The following NTM variants were observed in gnomAD, a reference collection of about 807,000 sequenced individuals.
The protein encoded by NTM is IgLON family member 2.
NTM carries 13 observed loss-of-function variants against 42.1 expected under a neutral mutation model. That is an observed-to-expected ratio of 0.31 (90% CI 0.20 to 0.49). The LOEUF is 0.49. Ranked by LOEUF, NTM falls within the 20% of genes least tolerant of loss-of-function variation. The pLI is 0.99. For synonymous variants in NTM, 187 were observed against 179.2 expected, an observed-to-expected ratio of 1.04 and a Z score of -0.35; for missense variants, 373 against 452.8, an observed-to-expected ratio of 0.82 and a Z score of 1.60.
At chr11:132,156,794 G>A (rs2073284609) in intron 3 of NTM, among the ~76,000 whole-genome samples, 1 of 152,170 alleles carries the variant, frequency 6.6e-6, no homozygotes, top group Admixed American at 6.5e-5. Flanking sequence ...AGTCTTTACA[G>A]ATGAGATTAG....
chr11:131,968,037 A>C (rs901652667), intron 2 of NTM, among the ~76,000 whole-genome samples: 1 of 152,154 alleles, frequency 6.6e-6, no homozygotes, highest in Admixed American at 6.5e-5. Context: ...AACATAAATA[A>C]ATGCGAAACC....
chr11:131,789,594 A>AG (rs2090368748), intron 1 of NTM, among the ~76,000 whole-genome samples: 2 of 77,432 alleles, frequency 2.6e-5, no homozygotes, highest in Non-Finnish European at 5.0e-5. Flanking sequence ...AAGAAGAAGA[A>AG]GAAGAAGAAG....
chr11:132,004,593 C>T (rs2070263345), intron 2 of NTM, among the ~76,000 whole-genome samples: 1 of 123,924 alleles, frequency 8.1e-6, no homozygotes, highest in Admixed American at 8.7e-5. Context: ...AAGTTTCTCT[C>T]TCTTTCTCTC....
At chr11:132,022,840 C>T (rs1415124239) in intron 2 of NTM, among the ~76,000 whole-genome samples, 1 of 152,166 alleles carries the variant, frequency 6.6e-6, no homozygotes, top group Non-Finnish European at 1.5e-5. Context: ...CTGTTAAGAC[C>T]TTCAGCTGGT....
intron 2 of NTM, among the ~76,000 whole-genome samples, chr11:132,128,072 C>A (rs1379942282): frequency 6.6e-6 from 1 of 152,162 alleles, no homozygotes; most frequent in Non-Finnish European, 1.5e-5. Flanking sequence ...CATCAGTTTA[C>A]ATTTGGCAGA....
intron 1 of NTM, among the ~76,000 whole-genome samples, chr11:131,643,197 A>T (rs1393273300): frequency 6.6e-6 from 1 of 152,238 alleles, no homozygotes; most frequent in Non-Finnish European, 1.5e-5. Context: ...TCACTTTAGC[A>T]AAACAAAGCA....
chr11:132,014,736 G>GTTTTTTTTTTTTTTTTTTTTTTT (rs146527050), intron 2 of NTM, among the ~76,000 whole-genome samples: 2 of 84,018 alleles, frequency 2.4e-5, no homozygotes, highest in Non-Finnish European at 4.3e-5. Flanking sequence ...AGAATTACTT[G>GTTTTTTTTTTTTTTTTTTTTTTT]TTTTTTTTTT....
intron 1 of NTM, among the ~76,000 whole-genome samples, chr11:131,827,339 G>A (rs562370930): frequency 3.3e-5 from 5 of 152,166 alleles, no homozygotes; most frequent in East Asian, 1.9e-4. Context: ...AATGTGAATA[G>A]TTGGAGACCA....
At chr11:131,563,893 C>T (rs1479419119) in intron 1 of NTM, among the ~76,000 whole-genome samples, 1 of 152,090 alleles carries the variant, frequency 6.6e-6, no homozygotes, top group Non-Finnish European at 1.5e-5. Flanking sequence ...CAAACCATCT[C>T]TACCGTTCCT....
chr11:131,957,728 GA>G (rs1270385887), intron 2 of NTM, among the ~76,000 whole-genome samples: 7 of 152,164 alleles, frequency 4.6e-5, no homozygotes, highest in Non-Finnish European at 7.3e-5. Context: ...TTTCAGAATA[GA>G]GAAGATCAAT....
intron 1 of NTM, among the ~76,000 whole-genome samples, chr11:131,777,894 G>A (rs2087335359): frequency 6.6e-6 from 1 of 152,112 alleles, no homozygotes; most frequent in African/African-American, 2.4e-5. Flanking sequence ...TTTTAGCTAT[G>A]AGCAAAAATG....
chr11:131,771,424 T>C (rs1248755700), intron 1 of NTM: 7 of 152,214 alleles, frequency 4.6e-5, no homozygotes, highest in Non-Finnish European at 1.0e-4. Context: ...TACCACAATC[T>C]ATTCAGGTAC....
intron 2 of NTM, among the ~76,000 whole-genome samples, chr11:132,083,505 T>C (rs1295429424): frequency 1.3e-5 from 2 of 152,224 alleles, no homozygotes; most frequent in Non-Finnish European, 2.9e-5. Flanking sequence ...TCCTCAAATA[T>C]ACCTATGAGT....
intron 3 of NTM, among the ~76,000 whole-genome samples, chr11:132,157,981 G>A (rs1452619504): frequency 5.3e-5 from 8 of 152,138 alleles, no homozygotes; most frequent in Non-Finnish European, 8.8e-5. Flanking sequence ...TGTTACCTTT[G>A]TCTGGAGTGT....
chr11:131,673,300 CA>C (rs1168089503), intron 1 of NTM, among the ~76,000 whole-genome samples: 1 of 152,088 alleles, frequency 6.6e-6, no homozygotes, highest in South Asian at 2.1e-4. Context: ...TGAGGTTGAC[CA>C]GTCCATTTCC....
chr11:132,211,439 G>A (rs2082818897), intron 3 of NTM, among the ~76,000 whole-genome samples: 1 of 152,166 alleles, frequency 6.6e-6, no homozygotes, highest in African/African-American at 2.4e-5. Flanking sequence ...GAGTTGCCCA[G>A]GAAGGATAAA....
intron 3 of NTM, among the ~76,000 whole-genome samples, chr11:132,190,029 G>A (rs1260676725): frequency 1.3e-5 from 2 of 152,202 alleles, no homozygotes; most frequent in Non-Finnish European, 2.9e-5. Flanking sequence ...AGAGTGGTTT[G>A]AACAAAGGGC....
At chr11:132,216,380 A>G (rs2083868601) in intron 4 of NTM, among the ~76,000 whole-genome samples, 1 of 152,196 alleles carries the variant, frequency 6.6e-6, no homozygotes, top group African/African-American at 2.4e-5. Flanking sequence ...AGTGAGTCTC[A>G]TCACTTATCT....
At chr11:132,091,937 A>G (rs1212093196) in intron 2 of NTM, among the ~76,000 whole-genome samples, 1 of 152,226 alleles carries the variant, frequency 6.6e-6, no homozygotes, top group African/African-American at 2.4e-5. Context: ...ATGAATGAAG[A>G]AAACATAAGT....
Sources: allele counts gnomAD v4.1 joint callset (sites outside exome capture counted in the v4.1 genomes callset), GRCh38; gene constraint gnomAD v4.1.1; transcripts MANE v1.5; gene names NCBI Gene and HGNC (gene_info 2026-07-23, HGNC 2026-07-21).